ADAMTS12: variants seen among roughly 807,000 people sequenced by gnomAD.
ADAMTS12 encodes ADAM metallopeptidase with thrombospondin type 1 motif 12, also known as A disintegrin and metalloproteinase with thrombospondin motifs 12.
A neutral mutation model predicts 167.8 loss-of-function variants in ADAMTS12; 118 were observed. The observed-to-expected ratio is 0.70, with a 90% CI of 0.61 to 0.82. The LOEUF (loss-of-function observed/expected upper bound fraction) is 0.82. ADAMTS12 is among the 40% of genes least tolerant of loss of function. ADAMTS12 has a pLI of 0.00. For synonymous variants in ADAMTS12, 704 were observed against 716.9 expected (o/e 0.98, Z 0.29); for missense variants, 1,916 against 1,998.8 (o/e 0.96, Z 0.79).
At chr5:33,676,370 A>C (rs1308553723) in intron 5 of ADAMTS12, among the ~76,000 whole-genome samples, 1 of 152,188 alleles carries the variant, frequency 6.6e-6, no homozygotes, top group African/African-American at 2.4e-5. Flanking sequence ...CGCTACTGAA[A>C]GAAAGAGGAT....
chr5:33,805,786 G>T (rs965192752), intron 2 of ADAMTS12, among the ~76,000 whole-genome samples: 2 of 152,112 alleles, frequency 1.3e-5, no homozygotes, highest in African/African-American at 2.4e-5. Context: ...CACTTTGGGA[G>T]GTGAGGTGGG....
chr5:33,657,171 A>C lies in ADAMTS12; in HGVS notation c.1190+1013T>G, dbSNP rs1741091728. 2.0e-5 allele frequency among the ~76,000 whole-genome samples: 3 copies of C among 152,218 alleles called. No homozygotes were observed. The South Asian group carries it at 6.2e-4, about 31-fold the overall frequency. On this transcript the variant is annotated intron_variant, in intron 7 of 23. Transcript: ENST00000504830. ...ATGCTCTGGCTTTATAATGTAGGTA[A>C]AATTGTTTTAGAAAGTCCAAATGTT... is the stretch of plus-strand genomic sequence containing the variant.
intron 16 of ADAMTS12, chr5:33,603,733 A>G (rs1387178389): frequency 6.6e-6 from 1 of 152,214 alleles, no homozygotes; most frequent in African/African-American, 2.4e-5. Flanking sequence ...GATCTAGAAC[A>G]AAGGTAATAT....
chr5:33,706,925 T>C (rs969468764), intron 3 of ADAMTS12, among the ~76,000 whole-genome samples: 1 of 152,144 alleles, frequency 6.6e-6, no homozygotes, highest in African/African-American at 2.4e-5. Flanking sequence ...ACCACTCCTA[T>C]TCAGCATAGT....
intron 2 of ADAMTS12, among the ~76,000 whole-genome samples, chr5:33,841,610 T>A (rs1057392034): frequency 3.9e-5 from 6 of 152,204 alleles, no homozygotes; most frequent in Non-Finnish European, 8.8e-5. Context: ...ATCCTACTGC[T>A]CAAGGTCGTC....
At chr5:33,646,285 C>A (rs142468351) in intron 9 of ADAMTS12, among the ~76,000 whole-genome samples, 130 of 152,008 alleles carry the variant, frequency 8.6e-4, no homozygotes, top group African/African-American at 3.1e-3. Flanking sequence ...TAAGGAAACC[C>A]CCTAAAGGCT....
At chr5:33,673,136 A>AC (rs1741779359) in intron 5 of ADAMTS12, among the ~76,000 whole-genome samples, 1 of 152,036 alleles carries the variant, frequency 6.6e-6, no homozygotes, top group Admixed American at 6.5e-5. Flanking sequence ...CGAGATTCTT[A>AC]CCTCTGTCCT....
In ADAMTS12 at chr5:33,530,526, G is replaced by A. The variant is rs1270386242; in HGVS notation, c.4607-3160C>T. On this transcript the variant is annotated intron_variant, in intron 23 of 23. Transcript: ENST00000504830. ...AGTCTCTGTGGATGGAGGCTGGAGAGGGCACAGGTGGGGCGGCTCTTTGCC... is the reference window on the plus strand; with the variant it reads ...AGTCTCTGTGGATGGAGGCTGGAGAAGGCACAGGTGGGGCGGCTCTTTGCC... 2.6e-5 allele frequency among the ~76,000 whole-genome samples: 4 copies of A among 152,200 alleles called. No homozygotes were observed. The South Asian group carries it at 8.3e-4, about 31-fold the overall frequency.
At chr5:33,876,310 G>A (rs1230472167) in intron 2 of ADAMTS12, among the ~76,000 whole-genome samples, 2 of 152,088 alleles carry the variant, frequency 1.3e-5, no homozygotes, top group Non-Finnish European at 2.9e-5. Flanking sequence ...TATATGGAAG[G>A]ACAGAGAAAC....
chr5:33,809,950 TAA>T (rs776574426), intron 2 of ADAMTS12, among the ~76,000 whole-genome samples: 1 of 83,956 alleles, frequency 1.2e-5, no homozygotes, highest in East Asian at 3.7e-4. Context: ...ACCAAAGAAG[TAA>T]AAGGCATTTT....
chr5:33,868,766 A>C (rs901014969), intron 2 of ADAMTS12, among the ~76,000 whole-genome samples: 7 of 152,256 alleles, frequency 4.6e-5, no homozygotes, highest in Non-Finnish European at 8.8e-5. Flanking sequence ...CTTAAACATT[A>C]TGACATTTGT....
At chr5:33,849,617 G>A (rs1013904680) in intron 2 of ADAMTS12, among the ~76,000 whole-genome samples, 3 of 93,892 alleles carry the variant, frequency 3.2e-5, no homozygotes, top group African/African-American at 1.0e-4. Context: ...CAATATATAT[G>A]TATTGCATAG....
intron 2 of ADAMTS12, among the ~76,000 whole-genome samples, chr5:33,763,738 C>A (rs938142989): frequency 1.3e-5 from 2 of 152,212 alleles, no homozygotes; most frequent in Admixed American, 6.5e-5. Flanking sequence ...AATGCTTCCA[C>A]CTTTTCCTAT....
chr5:33,759,513 C>T (rs6896791), intron 2 of ADAMTS12, among the ~76,000 whole-genome samples: 55,513 of 151,970 alleles, frequency 0.37, 11,373 homozygotes, highest in East Asian at 0.58. Flanking sequence ...CTAAATAAGG[C>T]AATTCATGAA....
intron 2 of ADAMTS12, among the ~76,000 whole-genome samples, chr5:33,860,486 C>G (rs1262816038): frequency 1.3e-5 from 2 of 152,084 alleles, no homozygotes; most frequent in African/African-American, 4.8e-5. Flanking sequence ...AAAGAATGAA[C>G]AAAGCCTCCA....
intron 15 of ADAMTS12, among the ~76,000 whole-genome samples, 170 bp from the exon 16 acceptor site, chr5:33,614,546 T>C (rs972073177): frequency 3.9e-5 from 6 of 152,226 alleles, no homozygotes; most frequent in Middle Eastern, 3.2e-3. Flanking sequence ...TCTATACCTA[T>C]GTCTGTGTCT....
At chr5:33,607,366 C>G (rs1171143737) in intron 16 of ADAMTS12, among the ~76,000 whole-genome samples, 1 of 152,122 alleles carries the variant, frequency 6.6e-6, no homozygotes, top group African/African-American at 2.4e-5. Context: ...AGCAAGGTTG[C>G]CGGATACAAA....
intron 3 of ADAMTS12, among the ~76,000 whole-genome samples, chr5:33,730,883 T>C (rs1367521222): frequency 6.6e-6 from 1 of 152,222 alleles, no homozygotes; most frequent in Non-Finnish European, 1.5e-5. Flanking sequence ...TGAAGAAATC[T>C]GTACCTTGGC....
At chr5:33,835,899 T>G (rs1748486841) in intron 2 of ADAMTS12, among the ~76,000 whole-genome samples, 1 of 144,084 alleles carries the variant, frequency 6.9e-6, no homozygotes, top group Admixed American at 6.8e-5. Flanking sequence ...AAACTGAGGA[T>G]AATATCCATC....
Sources: allele counts gnomAD v4.1 joint callset (sites outside exome capture counted in the v4.1 genomes callset), GRCh38; gene constraint gnomAD v4.1.1; transcripts MANE v1.5; gene names NCBI Gene and HGNC (gene_info 2026-07-23, HGNC 2026-07-21).